The following FHIT variants were observed in gnomAD, a reference collection of about 807,000 sequenced individuals.
FHIT encodes the protein fragile histidine triad diadenosine triphosphatase.
A neutral mutation model predicts 17.9 loss-of-function variants in FHIT; 19 were observed. That is an observed-to-expected ratio of 1.06 (90% CI 0.74 to 1.56). The LOEUF (loss-of-function observed/expected upper bound fraction) is 1.56, where lower values mean the gene tolerates loss of function less well. FHIT is among the 40% of genes most tolerant of loss of function. The pLI, the probability that FHIT is intolerant of heterozygous loss-of-function variation, is 0.00. For missense variants in FHIT, 248 were observed against 189.2 expected (o/e 1.31, Z -1.82); for synonymous variants, 81 against 69.7 (o/e 1.16, Z -0.81).
At chr3:60,591,208 TG>T (rs2038073448) in intron 4 of FHIT, among the ~76,000 whole-genome samples, 1 of 152,068 alleles carries the variant, frequency 6.6e-6, no homozygotes. Flanking sequence ...TCACCAACTC[TG>T]AAAAACCAAG....
intron 5 of FHIT, among the ~76,000 whole-genome samples, chr3:60,064,159 C>T (rs1465924577): frequency 6.6e-6 from 1 of 152,122 alleles, no homozygotes; most frequent in Non-Finnish European, 1.5e-5. Flanking sequence ...TATACCTTTC[C>T]TTCCTGCCTG....
At chr3:60,202,038 C>A (rs973719754) in intron 5 of FHIT, among the ~76,000 whole-genome samples, 4 of 152,138 alleles carry the variant, frequency 2.6e-5, no homozygotes, top group Admixed American at 2.6e-4. Context: ...GAAAAATAAT[C>A]TTGGAAATTC....
At chr3:60,287,968 T>C (rs893857347) in intron 5 of FHIT, among the ~76,000 whole-genome samples, 1 of 101,558 alleles carries the variant, frequency 9.8e-6, no homozygotes, top group African/African-American at 3.9e-5. Flanking sequence ...TAGTATCTTA[T>C]ACAGGTTCTG....
chr3:59,969,678 G>A lies in FHIT; in HGVS notation c.279+41693C>T, dbSNP rs1708089265. 1.3e-5 allele frequency among the ~76,000 whole-genome samples: 2 copies of A among 152,068 alleles called. 1 individual carries two copies. The highest frequency in any genetic ancestry group is 4.1e-4 in the South Asian group (2 of 4,832). ...GCGTGTATTAGATACATTTTGTTAA[G>A]TTCACCTAAGGATATTTCCCTCAAT... On this transcript the variant is annotated intron_variant, in intron 7 of 9. Coordinates refer to ENST00000492590, the MANE Select transcript of FHIT (RefSeq NM_002012.4).
intron 3 of FHIT, among the ~76,000 whole-genome samples, chr3:60,995,621 A>G (rs1367360903): frequency 6.6e-6 from 1 of 152,206 alleles, no homozygotes; most frequent in Admixed American, 6.5e-5. Context: ...CAAAAGCACA[A>G]GGACTTTTTA....
chr3:60,555,404 C>T (rs241670), intron 4 of FHIT, among the ~76,000 whole-genome samples: 134,945 of 152,270 alleles, frequency 0.89, 60,064 homozygotes, highest in African/African-American at 0.97. Context: ...AAATAAAAGA[C>T]GAATTTAAAT....
At chr3:60,173,896 TA>T (rs1701532789) in intron 5 of FHIT, among the ~76,000 whole-genome samples, 3 of 72,998 alleles carry the variant, frequency 4.1e-5, no homozygotes, top group Non-Finnish European at 7.4e-5. Context: ...TATATATATA[TA>T]TATATATATA....
chr3:60,390,409 AAAAAAAAAAAAAAAAAAAAC>A (rs1012458375), intron 5 of FHIT, among the ~76,000 whole-genome samples: 3 of 115,728 alleles, frequency 2.6e-5, no homozygotes, highest in Non-Finnish European at 5.4e-5. Flanking sequence ...AAAAAAAAAA[AAAAAAAAAAAAAAAAAAAAC>A]CCGTACCCTC....
At position 60,712,395 on chromosome 3, in the gene FHIT, C is replaced by T. The variant is rs183672158; in HGVS notation, c.-18+109524G>A. Among the ~76,000 whole-genome samples the T allele has an allele frequency of 7.8e-4, 118 of 152,160 alleles. 1 individual carries two copies. The highest frequency in any genetic ancestry group is 1.3e-3 in the Non-Finnish European group (86 of 68,012). ...AACAAGCAAAATAACCAGCTAACAT[C>T]ATAATGACAGGATCAAATTCACACA... On this transcript the variant is annotated intron_variant, in intron 4 of 9. Coordinates refer to ENST00000492590, the MANE Select transcript of FHIT (RefSeq NM_002012.4).
chr3:59,800,108 G>T (rs1282534750), intron 8 of FHIT, among the ~76,000 whole-genome samples: 1 of 152,184 alleles, frequency 6.6e-6, no homozygotes, highest in Non-Finnish European at 1.5e-5. Context: ...TTCGACAATT[G>T]CCAAGAAGTG....
chr3:60,534,620 A>G (rs1576829977), intron 5 of FHIT, among the ~76,000 whole-genome samples: 1 of 152,052 alleles, frequency 6.6e-6, no homozygotes, highest in African/African-American at 2.4e-5. Context: ...TATAGAGTAT[A>G]ATGATTTTAA....
At chr3:61,205,391 C>T (rs1027421332) in intron 1 of FHIT, among the ~76,000 whole-genome samples, 6 of 152,094 alleles carry the variant, frequency 3.9e-5, no homozygotes, top group South Asian at 2.1e-4. Context: ...CCTGAGGAAT[C>T]GCCACACTGA....
chr3:60,545,251 G>GC (rs1576849420), intron 4 of FHIT, among the ~76,000 whole-genome samples: 1 of 152,008 alleles, frequency 6.6e-6, no homozygotes, highest in Non-Finnish European at 1.5e-5. Flanking sequence ...ACATGGAGAT[G>GC]TTTTTTCTTC....
intron 5 of FHIT, among the ~76,000 whole-genome samples, chr3:60,532,874 A>G (rs927013285): frequency 6.6e-6 from 1 of 152,142 alleles, no homozygotes; most frequent in Non-Finnish European, 1.5e-5. Context: ...GGGGCAGCAA[A>G]ATGTTATAAG....
At chr3:60,887,482 T>TA (rs1553759526) in intron 3 of FHIT, among the ~76,000 whole-genome samples, 1 of 151,654 alleles carries the variant, frequency 6.6e-6, no homozygotes, top group Non-Finnish European at 1.5e-5. Context: ...CCATCTCTAC[T>TA]AAAAAATACA....
chr3:61,158,136 C>CA (rs11438531), intron 2 of FHIT, among the ~76,000 whole-genome samples: 2,292 of 152,310 alleles, frequency 0.015, 60 homozygotes, highest in African/African-American at 0.052. Context: ...GTTTCCTTCT[C>CA]AGCCATACAT....
intron 8 of FHIT, among the ~76,000 whole-genome samples, chr3:59,886,449 C>T (rs1036180992): frequency 6.6e-6 from 1 of 152,148 alleles, no homozygotes; most frequent in African/African-American, 2.4e-5. Flanking sequence ...GTTTATCTGG[C>T]TTATAGTTCT....
At chr3:59,839,712 C>G (rs1487936814) in intron 8 of FHIT, among the ~76,000 whole-genome samples, 1 of 152,088 alleles carries the variant, frequency 6.6e-6, no homozygotes, top group African/African-American at 2.4e-5. Flanking sequence ...CTCTCTCTAC[C>G]AAACACTGCT....
intron 5 of FHIT, among the ~76,000 whole-genome samples, chr3:60,279,464 G>T (rs929269641): frequency 6.6e-6 from 1 of 151,986 alleles, no homozygotes; most frequent in Admixed American, 6.6e-5. Context: ...TTTAACTGAT[G>T]AATTCTATCA....
Sources: gnomAD v4.1 joint callset for allele counts (sites outside exome capture counted in the v4.1 genomes callset) on GRCh38, gnomAD v4.1.1 for gene constraint, MANE v1.5 for transcripts, NCBI Gene and HGNC (gene_info 2026-07-23, HGNC 2026-07-21) for gene names.